Variants in GRIK1 observed in about 807,000 individuals in gnomAD.
The protein encoded by GRIK1 is glutamate receptor ionotropic, kainate 1.
Under a neutral mutation model 105.7 loss-of-function variants are expected in GRIK1, and 69 were observed. The observed-to-expected ratio is 0.65, with a 90% CI of 0.54 to 0.80. The LOEUF (loss-of-function observed/expected upper bound fraction) is 0.80. Ranked by LOEUF, GRIK1 falls within the 30% of genes least tolerant of loss-of-function variation. The pLI, the probability that GRIK1 is intolerant of heterozygous loss-of-function variation, is 0.00. For missense variants in GRIK1, 1,109 were observed against 1,167.3 expected, an observed-to-expected ratio of 0.95 and a Z score of 0.73; for synonymous variants, 438 against 431.3, an observed-to-expected ratio of 1.02 and a Z score of -0.19.
At chr21:29,600,730 T>G (rs954126822) in intron 7 of GRIK1, among the ~76,000 whole-genome samples, 26 of 152,242 alleles carry the variant, frequency 1.7e-4, no homozygotes, top group African/African-American at 5.8e-4. Context: ...GCTACTGAAC[T>G]TGAGGCGTTT....
chr21:29,787,786 T>C (rs2066299158), intron 1 of GRIK1, among the ~76,000 whole-genome samples: 2 of 151,860 alleles, frequency 1.3e-5, no homozygotes, highest in South Asian at 2.1e-4. Context: ...GCCAGGAACA[T>C]TTATCAATCT....
rs748980230 is a variant in GRIK1, at chr21:29,654,840, G to A, written c.750C>T (p.Thr250=). Residue 250 remains threonine (T), a synonymous_variant, in exon 5 of 18, where the codon ACC becomes ACT. Coordinates refer to ENST00000327783, the MANE Select transcript of GRIK1 (RefSeq NM_001330994.2). ...TTGTGAAAAAGTAGTGATAGTACTC[G>A]GTCATCATGCCCATGAACAGAATCT... ...LKQILFMGMM[T]EYYHYFFTTL... is the part of the protein sequence containing the mutation. The A allele has an allele frequency of 5.0e-6, 8 of 1,587,036 alleles. No homozygotes were observed. Among genetic ancestry groups the A allele is most frequent in the East Asian group, 2.2e-5 (1 of 44,740 alleles).
chr21:29,785,278 T>C (rs1450922828), intron 1 of GRIK1, among the ~76,000 whole-genome samples: 1 of 152,148 alleles, frequency 6.6e-6, no homozygotes. Context: ...AAAACGCTAC[T>C]TCAGGCTGAG....
chr21:29,537,197 C>A lies in GRIK1; in HGVS notation c.*33G>T, dbSNP rs1326549101. 2.0e-6 allele frequency: 3 copies of A among 1,510,046 alleles called. No homozygotes were observed. Among genetic ancestry groups the A allele is most frequent in the East Asian group, 4.6e-5 (2 of 43,572 alleles). The allele number at this position is 1,510,046 out of a possible 1,614,324, so 93.5% of individuals were successfully genotyped here. ...TTTCTCCAAAAATCTGTAGGGAATG[C>A]ATCCTTTTTCTTCCTACAGGCGTTT... On this transcript the variant is annotated 3_prime_UTR_variant, in exon 18 of 18. Coordinates refer to ENST00000327783, the MANE Select transcript of GRIK1 (RefSeq NM_001330994.2).
intron 1 of GRIK1, among the ~76,000 whole-genome samples, chr21:29,742,928 T>C (rs1443452541): frequency 6.6e-6 from 1 of 152,182 alleles, no homozygotes; most frequent in Non-Finnish European, 1.5e-5. Context: ...TTCTGCGTAT[T>C]CTATGCTGTT....
chr21:29,610,441 A>T (rs968506685), intron 7 of GRIK1, among the ~76,000 whole-genome samples: 1 of 152,164 alleles, frequency 6.6e-6, no homozygotes, highest in African/African-American at 2.4e-5. Context: ...GAGACAGAAG[A>T]TGATGTGATG....
chr21:29,595,331 G>T (rs1416311979), intron 9 of GRIK1, among the ~76,000 whole-genome samples: 2 of 146,344 alleles, frequency 1.4e-5, no homozygotes, highest in Non-Finnish European at 1.5e-5. Flanking sequence ...AGATGGATTA[G>T]TGTAATAGGT....
chr21:29,938,462 A>G (rs2071851239), intron 1 of GRIK1, among the ~76,000 whole-genome samples: 1 of 152,196 alleles, frequency 6.6e-6, no homozygotes, highest in Non-Finnish European at 1.5e-5. Flanking sequence ...AGCTGTGTCA[A>G]CCCTCAAAGT....
At chr21:29,745,621 C>T (rs1417844880) in intron 1 of GRIK1, among the ~76,000 whole-genome samples, 1 of 152,220 alleles carries the variant, frequency 6.6e-6, no homozygotes, top group Non-Finnish European at 1.5e-5. Context: ...TGCCTGGTTA[C>T]TTACCAATTA....
chr21:29,938,782 G>A (rs948446184), intron 1 of GRIK1, among the ~76,000 whole-genome samples: 1 of 152,126 alleles, frequency 6.6e-6, no homozygotes, highest in African/African-American at 2.4e-5. Context: ...TCTTCAGCTC[G>A]AAGTCAGATC....
At chr21:29,667,104 T>C (rs966248114) in intron 4 of GRIK1, among the ~76,000 whole-genome samples, 13 of 152,280 alleles carry the variant, frequency 8.5e-5, no homozygotes, top group African/African-American at 2.9e-4. Context: ...GTATTTATGA[T>C]GAAAAAAATG....
intron 1 of GRIK1, among the ~76,000 whole-genome samples, chr21:29,789,559 G>A (rs1300920138): frequency 6.6e-6 from 1 of 152,170 alleles, no homozygotes; most frequent in African/African-American, 2.4e-5. Flanking sequence ...TAAAAGAAAA[G>A]CTCTTTTCTG....
intron 9 of GRIK1, among the ~76,000 whole-genome samples, chr21:29,591,574 C>T (rs2061334885): frequency 6.6e-6 from 1 of 152,048 alleles, no homozygotes; most frequent in Non-Finnish European, 1.5e-5. Flanking sequence ...ATGTGCCAGG[C>T]ACTGCTCTAG....
intron 1 of GRIK1, among the ~76,000 whole-genome samples, chr21:29,786,858 A>C (rs1372735292): frequency 6.6e-6 from 1 of 152,166 alleles, no homozygotes; most frequent in African/African-American, 2.4e-5. Flanking sequence ...ATCCCCAGTA[A>C]GCCTTCAGAT....
At chr21:29,631,960 A>G (rs948403994) in intron 7 of GRIK1, among the ~76,000 whole-genome samples, 33 of 151,452 alleles carry the variant, frequency 2.2e-4, no homozygotes, top group African/African-American at 7.5e-4. Flanking sequence ...TAATTAAGTA[A>G]TGAAGCATTG....
In GRIK1 at chr21:29,782,196, C is replaced by T. The variant is rs532223020; in HGVS notation, c.119-88133G>A. 2.8e-4 allele frequency among the ~76,000 whole-genome samples: 43 copies of T among 151,686 alleles called. 1 individual carries two copies. The highest frequency in any genetic ancestry group is 7.7e-4 in the African/African-American group (32 of 41,358). On this transcript the variant is annotated intron_variant, in intron 1 of 17. Coordinates refer to ENST00000327783, the MANE Select transcript of GRIK1 (RefSeq NM_001330994.2). ...CTGCCTCCCGGGTTCACGCCATTCT[C>T]CTGCCTCAGCCTCCCGAGCAGCTGG... is the stretch of plus-strand genomic sequence containing the variant.
At position 29,848,779 on chromosome 21, in the gene GRIK1, A is replaced by ATTT. The variant is rs1555898508; in HGVS notation, c.118+90601_118+90603dup. 8.8e-3 allele frequency among the ~76,000 whole-genome samples: 686 copies of ATTT among 77,860 alleles called. 39 individuals carry two copies. The highest frequency in any genetic ancestry group is 0.036 in the African/African-American group (624 of 17,122). The allele number at this position is 77,860 out of a possible 152,430, so 51.1% of individuals were successfully genotyped here. On this transcript the variant is annotated intron_variant, in intron 1 of 17. Coordinates refer to ENST00000327783, the MANE Select transcript of GRIK1 (RefSeq NM_001330994.2). ...TGTATATATATATATATATATATAT[A>ATTT]TTTTTTTTTTTTTCCACGATCTTCA...
intron 14 of GRIK1, among the ~76,000 whole-genome samples, chr21:29,565,942 C>T (rs1300007846): frequency 6.6e-6 from 1 of 152,160 alleles, no homozygotes; most frequent in African/African-American, 2.4e-5. Flanking sequence ...ATTGAGGGCT[C>T]TTTCTTCTTT....
chr21:29,933,179 G>T (rs2071633624), intron 1 of GRIK1, among the ~76,000 whole-genome samples: 1 of 152,032 alleles, frequency 6.6e-6, no homozygotes, highest in South Asian at 2.1e-4. Context: ...TGGGCAGTAT[G>T]TGCAGGTTTT....
Sources: allele counts gnomAD v4.1 joint callset (sites outside exome capture counted in the v4.1 genomes callset), GRCh38; gene constraint gnomAD v4.1.1; transcripts MANE v1.5; gene names NCBI Gene and HGNC (gene_info 2026-07-23, HGNC 2026-07-21).